SLC8A1: variants seen among roughly 807,000 people sequenced by gnomAD.
The protein encoded by SLC8A1 is sodium/calcium exchanger 1.
In SLC8A1, 18 loss-of-function variants were observed where a neutral mutation model predicts 68.3. The observed-to-expected ratio is 0.26, with a 90% CI of 0.18 to 0.39. SLC8A1 has a LOEUF of 0.39. Ranked by LOEUF, SLC8A1 falls within the 10% of genes least tolerant of loss-of-function variation. The pLI, the probability that SLC8A1 is intolerant of heterozygous loss-of-function variation, is 1.00. For missense variants in SLC8A1, 985 were observed against 1,156.7 expected (o/e 0.85, Z 2.15); for synonymous variants, 475 against 415.5 (o/e 1.14, Z -1.74).
chr2:40,237,290 G>C lies in SLC8A1; in HGVS notation c.1809-59435C>G, dbSNP rs548917440. On this transcript the variant is annotated intron_variant, in intron 2 of 7. Transcript: ENST00000406785. ...TTCACATAGTCCCATATTTCTTGGA[G>C]GCTTTGCTCATTTCTTTTTATTCTT... 1.9e-4 allele frequency among the ~76,000 whole-genome samples: 29 copies of C among 152,184 alleles called. No homozygotes were observed. In the South Asian group the frequency reaches 6.0e-3, roughly 32 times the overall value.
intron 6 of SLC8A1, among the ~76,000 whole-genome samples, chr2:40,158,218 G>A (rs1018962964): frequency 6.6e-6 from 1 of 152,136 alleles, no homozygotes; most frequent in Non-Finnish European, 1.5e-5. Context: ...TCCAATGAAA[G>A]TCTGACTTCA....
At chr2:40,297,448 A>G (rs1183996104) in intron 2 of SLC8A1, among the ~76,000 whole-genome samples, 1 of 152,194 alleles carries the variant, frequency 6.6e-6, no homozygotes, top group Admixed American at 6.5e-5. Flanking sequence ...TAGATTTATC[A>G]TTTCCACTGT....
rs1301023785 is a variant in SLC8A1 at position 40,235,192 on chromosome 2, A to G, written c.1809-57337T>C. On this transcript the variant is annotated intron_variant, in intron 2 of 7. Transcript: ENST00000406785. ...AGGAATGGTACCAGTTCCTCCTTGT[A>G]CCTCTGGTAGAATTTGGCTGTGAAT... Among the ~76,000 whole-genome samples the G allele has an allele frequency of 2.0e-5, 3 of 151,898 alleles. No individual in the cohort carries two copies. In the East Asian group the frequency reaches 5.8e-4, roughly 29 times the overall value.
chr2:40,121,634 A>C (rs756295353), intron 7 of SLC8A1, among the ~76,000 whole-genome samples: 2 of 152,088 alleles, frequency 1.3e-5, no homozygotes, highest in Non-Finnish European at 2.9e-5. Flanking sequence ...AAGCTTACCT[A>C]CTTCATAGGG....
intron 1 of SLC8A1, among the ~76,000 whole-genome samples, chr2:40,512,013 C>T (rs1365895283): frequency 1.3e-5 from 2 of 152,050 alleles, no homozygotes; most frequent in African/African-American, 2.4e-5. Context: ...GTCTCAGAAC[C>T]CCGCGGAAGC....
intron 2 of SLC8A1, among the ~76,000 whole-genome samples, chr2:40,193,351 T>C (rs1045350907): frequency 6.6e-6 from 1 of 152,044 alleles, no homozygotes; most frequent in Admixed American, 6.6e-5. Flanking sequence ...CTGGCCCACA[T>C]TAGGCATTGG....
At chr2:40,490,234 A>T (rs1375982340) in intron 1 of SLC8A1, among the ~76,000 whole-genome samples, 1 of 152,166 alleles carries the variant, frequency 6.6e-6, no homozygotes, top group Non-Finnish European at 1.5e-5. Context: ...ACTTTGAAGC[A>T]TGTCACTCAT....
chr2:40,143,082 A>C (rs944357109), intron 6 of SLC8A1, among the ~76,000 whole-genome samples: 3 of 152,136 alleles, frequency 2.0e-5, no homozygotes, highest in African/African-American at 7.2e-5. Flanking sequence ...CTTTTATAAC[A>C]TTTGAAAGGA....
intron 1 of SLC8A1, among the ~76,000 whole-genome samples, chr2:40,490,507 T>C (rs1362233733): frequency 6.6e-6 from 1 of 152,266 alleles, no homozygotes; most frequent in East Asian, 1.9e-4. Context: ...AGTATTTCAA[T>C]AAGTTTCGAG....
chr2:40,237,574 T>G (rs1170879694), intron 2 of SLC8A1, among the ~76,000 whole-genome samples: 4 of 151,976 alleles, frequency 2.6e-5, no homozygotes, highest in African/African-American at 9.7e-5. Context: ...CTCAGAGTAA[T>G]TTGATCGTCT....
At chr2:40,156,940 G>T (rs2044646301) in intron 6 of SLC8A1, among the ~76,000 whole-genome samples, 2 of 152,164 alleles carry the variant, frequency 1.3e-5, no homozygotes, top group Non-Finnish European at 2.9e-5. Context: ...CACCCTTCAT[G>T]CTGGAGAGAC....
intron 2 of SLC8A1, among the ~76,000 whole-genome samples, chr2:40,235,879 G>A (rs1437578736): frequency 6.6e-6 from 1 of 151,670 alleles, no homozygotes; most frequent in East Asian, 1.9e-4. Context: ...TTCAGGAGCA[G>A]GTTGTTCAGT....
chr2:40,136,515 C>T (rs1218812824), intron 7 of SLC8A1, among the ~76,000 whole-genome samples: 1 of 152,132 alleles, frequency 6.6e-6, no homozygotes, highest in Non-Finnish European at 1.5e-5. Flanking sequence ...AAAGTCTAAC[C>T]TAGAAAGAAG....
intron 2 of SLC8A1, among the ~76,000 whole-genome samples, chr2:40,227,313 G>C (rs1003746187): frequency 6.6e-6 from 1 of 151,992 alleles, no homozygotes; most frequent in African/African-American, 2.4e-5. Context: ...CACCACTCCA[G>C]CTTGAGATTG....
At chr2:40,259,967 T>C (rs930348413) in intron 2 of SLC8A1, among the ~76,000 whole-genome samples, 5 of 152,176 alleles carry the variant, frequency 3.3e-5, no homozygotes, top group African/African-American at 1.2e-4. Flanking sequence ...TGACCAAAAT[T>C]GTATGTGTTC....
intron 2 of SLC8A1, among the ~76,000 whole-genome samples, chr2:40,220,568 G>C (rs2058178294): frequency 6.6e-6 from 1 of 152,142 alleles, no homozygotes. Flanking sequence ...TGACAAAGCA[G>C]TCGTTCCATT....
intron 2 of SLC8A1, among the ~76,000 whole-genome samples, chr2:40,305,792 T>A (rs561601093): frequency 6.6e-6 from 1 of 152,334 alleles, no homozygotes; most frequent in African/African-American, 2.4e-5. Flanking sequence ...TTTTTTAGGA[T>A]AATGAAGATA....
At chr2:40,282,250 T>G (rs1027658725) in intron 2 of SLC8A1, among the ~76,000 whole-genome samples, 5 of 152,206 alleles carry the variant, frequency 3.3e-5, no homozygotes, top group African/African-American at 1.2e-4. Context: ...AAGACTGGAT[T>G]AGTAATAAGG....
chr2:40,497,694 G>A (rs1216999542), intron 1 of SLC8A1, among the ~76,000 whole-genome samples: 1 of 152,038 alleles, frequency 6.6e-6, no homozygotes, highest in Non-Finnish European at 1.5e-5. Flanking sequence ...GACAAAGGGT[G>A]CTTATGGGGA....
Sources: gnomAD v4.1 joint callset for allele counts (sites outside exome capture counted in the v4.1 genomes callset) on GRCh38, gnomAD v4.1.1 for gene constraint, MANE v1.5 for transcripts, NCBI Gene and HGNC (gene_info 2026-07-23, HGNC 2026-07-21) for gene names.